FLI1: variants seen among roughly 807,000 people sequenced by gnomAD.
FLI1 encodes the protein Fli-1 proto-oncogene, ETS transcription factor, also known as Friend leukemia integration 1 transcription factor.
Under a neutral mutation model 53.1 loss-of-function variants are expected in FLI1, and 13 were observed. The ratio of observed to expected loss-of-function variants is 0.24; its 90% CI spans 0.16 to 0.39. The LOEUF (loss-of-function observed/expected upper bound fraction) is 0.39, where lower values mean the gene tolerates loss of function less well. Among genes scored for constraint, FLI1 ranks in the 10% least tolerant of loss-of-function variants. FLI1 has a pLI of 1.00. For synonymous variants in FLI1, 244 were observed against 236.7 expected (o/e 1.03, Z -0.28); for missense variants, 424 against 600.5 (o/e 0.71, Z 3.07).
At chr11:128,702,071 G>A (rs1938356570) in intron 1 of FLI1, among the ~76,000 whole-genome samples, 1 of 152,214 alleles carries the variant, frequency 6.6e-6, no homozygotes, top group South Asian at 2.1e-4. Context: ...TGCTGTTACA[G>A]TCTATGGAAA....
chr11:128,701,241 A>G (rs1938319614), intron 1 of FLI1, among the ~76,000 whole-genome samples: 1 of 152,186 alleles, frequency 6.6e-6, no homozygotes, highest in African/African-American at 2.4e-5. Context: ...ACCATGAGCA[A>G]TCTTTTCAAT....
intron 1 of FLI1, among the ~76,000 whole-genome samples, chr11:128,738,208 G>T (rs1415963600): frequency 6.6e-6 from 1 of 152,132 alleles, no homozygotes; most frequent in Non-Finnish European, 1.5e-5. Context: ...TGAAACTCAA[G>T]ACCCGCTACC....
In FLI1 at chr11:128,754,274, T is replaced by C. The variant is rs982293824; in HGVS notation, c.19-3841T>C. ...GTGTGTGTGTGTGTGTGTGTGTGTG[T>C]GTGCACATATGCATACCCAAAGCAG... On this transcript the variant is annotated intron_variant, in intron 1 of 8. Coordinates refer to ENST00000527786, the MANE Select transcript of FLI1 (RefSeq NM_002017.5). 9.9e-3 allele frequency among the ~76,000 whole-genome samples: 1,433 copies of C among 144,556 alleles called. 24 individuals are homozygous for C. The highest frequency in any genetic ancestry group is 0.034 in the African/African-American group (1,334 of 39,434). The allele number at this position is 144,556 out of a possible 152,430, so 94.8% of individuals were successfully genotyped here. A position where few individuals can be genotyped will look rare whatever the true frequency, so the allele number is the denominator to read the frequency against.
At chr11:128,697,656 G>A (rs1183797712) in intron 1 of FLI1, among the ~76,000 whole-genome samples, 1 of 152,216 alleles carries the variant, frequency 6.6e-6, no homozygotes. Context: ...ACCTTAGCTG[G>A]ATACACATTA....
chr11:128,699,773 T>A (rs1938242541), intron 1 of FLI1, among the ~76,000 whole-genome samples: 1 of 152,204 alleles, frequency 6.6e-6, no homozygotes, highest in Non-Finnish European at 1.5e-5. Context: ...GGGTTATATG[T>A]CCCCACACTA....
intron 1 of FLI1, among the ~76,000 whole-genome samples, chr11:128,694,829 C>T (rs993268390): frequency 6.6e-6 from 1 of 152,140 alleles, no homozygotes; most frequent in African/African-American, 2.4e-5. Flanking sequence ...TGAGCGGGCT[C>T]CTCCAGATGG....
At chr11:128,693,176 G>C (rs982664114), upstream of FLI1, 1 of 152,360 alleles carries the variant, frequency 6.6e-6, no homozygotes, top group African/African-American at 2.4e-5. Flanking sequence ...GAGAAGATGC[G>C]GATAGGTGGC....
chr11:128,794,013 G>T (rs680952), intron 5 of FLI1, among the ~76,000 whole-genome samples: 35,943 of 152,106 alleles, frequency 0.24, 5,034 homozygotes, highest in Non-Finnish European at 0.32. Flanking sequence ...CATCCACTGG[G>T]TGGGCCGTTT....
At chr11:128,703,518 A>G (rs1938423213) in intron 1 of FLI1, among the ~76,000 whole-genome samples, 2 of 152,202 alleles carry the variant, frequency 1.3e-5, no homozygotes, top group Non-Finnish European at 2.9e-5. Flanking sequence ...AAATTCTCCA[A>G]TGTATATTAT....
intron 5 of FLI1, among the ~76,000 whole-genome samples, chr11:128,803,490 A>C (rs1942692152): frequency 6.6e-6 from 1 of 150,524 alleles, no homozygotes. Context: ...TACCTGATGC[A>C]CTCTCCCCTC....
chr11:128,695,124 G>GCCCGCGC (rs926050410), intron 1 of FLI1, among the ~76,000 whole-genome samples: 1 of 152,152 alleles, frequency 6.6e-6, no homozygotes, highest in Non-Finnish European at 1.5e-5. Flanking sequence ...CCGGCTGTGA[G>GCCCGCGC]CCCGCGCCCC....
At chr11:128,736,314 C>G (rs1939914412) in intron 1 of FLI1, among the ~76,000 whole-genome samples, 1 of 152,172 alleles carries the variant, frequency 6.6e-6, no homozygotes, top group African/African-American at 2.4e-5. Flanking sequence ...TCTTAAGAAA[C>G]TTCCAATGAA....
intron 4 of FLI1, among the ~76,000 whole-genome samples, chr11:128,775,422 A>C (rs1941700781): frequency 6.6e-6 from 1 of 151,872 alleles, no homozygotes; most frequent in East Asian, 1.9e-4. Context: ...ACCTAGACTT[A>C]AAATGATCCA....
At chr11:128,736,962 TAACA>T (rs1466000181) in intron 1 of FLI1, among the ~76,000 whole-genome samples, 1 of 152,140 alleles carries the variant, frequency 6.6e-6, no homozygotes, top group African/African-American at 2.4e-5. Flanking sequence ...AGGCACATTC[TAACA>T]AACAAACAAC....
intron 5 of FLI1, among the ~76,000 whole-genome samples, chr11:128,790,755 G>C (rs879389672): frequency 6.6e-6 from 1 of 152,210 alleles, no homozygotes; most frequent in Non-Finnish European, 1.5e-5. Context: ...GAGGAATTTT[G>C]TGTATGTAGG....
chr11:128,749,218 T>C (rs1351071821), intron 1 of FLI1, among the ~76,000 whole-genome samples: 1 of 152,202 alleles, frequency 6.6e-6, no homozygotes, highest in Non-Finnish European at 1.5e-5. Context: ...CTCTACAGCC[T>C]TTGAATATGG....
At chr11:128,803,939 G>A (rs1942703702) in intron 5 of FLI1, 1 of 152,200 alleles carries the variant, frequency 6.6e-6, no homozygotes, top group African/African-American at 2.4e-5. Context: ...AAGTCAAACA[G>A]AAACAGAAGG....
chr11:128,712,066 C>T (rs1426832815), intron 1 of FLI1, among the ~76,000 whole-genome samples: 2 of 152,116 alleles, frequency 1.3e-5, no homozygotes, highest in Admixed American at 1.3e-4. Context: ...GTATGATTCG[C>T]AGTGTTGGAG....
intron 5 of FLI1, among the ~76,000 whole-genome samples, chr11:128,790,957 G>T (rs1196261727): frequency 6.6e-6 from 1 of 152,090 alleles, no homozygotes; most frequent in Non-Finnish European, 1.5e-5. Context: ...AACTAGGGGT[G>T]ACCACCTAGA....
Sources: gnomAD v4.1 joint callset for allele counts (sites outside exome capture counted in the v4.1 genomes callset) on GRCh38, gnomAD v4.1.1 for gene constraint, MANE v1.5 for transcripts, NCBI Gene and HGNC (gene_info 2026-07-23, HGNC 2026-07-21) for gene names.